The following ACVR1C variants were observed in gnomAD, a reference collection of about 807,000 sequenced individuals.
ACVR1C encodes the protein activin receptor type-1C.
ACVR1C carries 23 observed loss-of-function variants against 57.9 expected under a neutral mutation model. The ratio of observed to expected loss-of-function variants is 0.40; its 90% CI spans 0.29 to 0.56. The LOEUF is 0.56. Ranked by LOEUF, ACVR1C falls within the 20% of genes least tolerant of loss-of-function variation. The pLI is 0.50. For synonymous variants in ACVR1C, 214 were observed against 215.3 expected (o/e 0.99, Z 0.05); for missense variants, 480 against 607.9 (o/e 0.79, Z 2.21).
At chr2:157,626,765 C>T (rs1323894370) in intron 1 of ACVR1C, among the ~76,000 whole-genome samples, 5 of 152,106 alleles carry the variant, frequency 3.3e-5, no homozygotes, top group South Asian at 4.1e-4. Context: ...ACATTGTTAA[C>T]GTGGGACACA....
intron 5 of ACVR1C, among the ~76,000 whole-genome samples, chr2:157,543,170 T>C (rs1158479453): frequency 2.6e-5 from 4 of 152,232 alleles, no homozygotes; most frequent in African/African-American, 9.6e-5. Context: ...TACTGCTATG[T>C]GCTCATAAGA....
chr2:157,596,238 A>G (rs531652617), intron 1 of ACVR1C, among the ~76,000 whole-genome samples: 1 of 152,086 alleles, frequency 6.6e-6, no homozygotes, highest in East Asian at 1.9e-4. Flanking sequence ...ATAGAAATAG[A>G]TATAGAAATC....
At chr2:157,623,847 A>G (rs936869107) in intron 1 of ACVR1C, among the ~76,000 whole-genome samples, 1 of 152,124 alleles carries the variant, frequency 6.6e-6, no homozygotes, top group Non-Finnish European at 1.5e-5. Flanking sequence ...AAAACATCTC[A>G]TGTACCCCAT....
chr2:157,554,255 GAAAGA>G (rs1688015082), intron 3 of ACVR1C, among the ~76,000 whole-genome samples: 1 of 123,690 alleles, frequency 8.1e-6, no homozygotes, highest in African/African-American at 3.6e-5. Context: ...AAGAAAGAAA[GAAAGA>G]AAGAAAGAAA....
At chr2:157,604,332 T>C (rs909838577) in intron 1 of ACVR1C, among the ~76,000 whole-genome samples, 1 of 152,078 alleles carries the variant, frequency 6.6e-6, no homozygotes, top group African/African-American at 2.4e-5. Context: ...TCCTATACTT[T>C]TGCCTTCTTC....
Position 157,628,775 on chromosome 2 carries a change from G to C in ACVR1C, c.-131C>G, listed in dbSNP as rs1386760077. 3.9e-6 allele frequency: 3 copies of C among 768,416 alleles called. No individual in the cohort carries two copies. Among genetic ancestry groups the C allele is most frequent in the Non-Finnish European group, 5.8e-6 (3 of 514,264 alleles). 47.6% of individuals were successfully genotyped at this position (768,416 alleles called of 1,614,324 possible). On this transcript the variant is annotated 5_prime_UTR_variant, in exon 1 of 9. Coordinates refer to ENST00000243349, the MANE Select transcript of ACVR1C (RefSeq NM_145259.3). ...GCACCGACACCCTTTTGAAGTGCGC[G>C]GTTGGCTCTAGTCAGTGTGGGCGCC...
intron 4 of ACVR1C, 152 bp from the exon 5 acceptor site, chr2:157,544,764 A>G: frequency 1.7e-6 from 1 of 576,228 alleles, no homozygotes; most frequent in Non-Finnish European, 2.9e-6. Flanking sequence ...TAAAGAAAAA[A>G]TTCTCAATGA....
chr2:157,586,486 T>G (rs1175171433), intron 2 of ACVR1C, among the ~76,000 whole-genome samples: 4 of 152,122 alleles, frequency 2.6e-5, no homozygotes, highest in Non-Finnish European at 4.4e-5. Flanking sequence ...AGCAGGACTA[T>G]TTTCACATCA....
chr2:157,616,451 T>G (rs1487795660), intron 1 of ACVR1C, among the ~76,000 whole-genome samples: 2 of 152,188 alleles, frequency 1.3e-5, no homozygotes, highest in African/African-American at 4.8e-5. Context: ...CAACTGTTCA[T>G]GCATATTTTC....
chr2:157,598,741 G>T (rs1018084824), intron 1 of ACVR1C, among the ~76,000 whole-genome samples: 1 of 151,966 alleles, frequency 6.6e-6, no homozygotes, highest in African/African-American at 2.4e-5. Context: ...TTTCCACCAT[G>T]TTGGCCAGGC....
intron 1 of ACVR1C, among the ~76,000 whole-genome samples, chr2:157,602,734 C>A (rs1034328339): frequency 6.6e-6 from 1 of 151,998 alleles, no homozygotes. Flanking sequence ...ATTAAACATA[C>A]AGGATATGAG....
chr2:157,587,819 C>T (rs1315920541), intron 1 of ACVR1C, among the ~76,000 whole-genome samples: 1 of 152,084 alleles, frequency 6.6e-6, no homozygotes, highest in Non-Finnish European at 1.5e-5. Context: ...GTTATGGCAG[C>T]TGTGTAACCA....
intron 8 of ACVR1C, among the ~76,000 whole-genome samples, chr2:157,535,288 C>A (rs1340421782): frequency 6.6e-6 from 1 of 151,988 alleles, no homozygotes; most frequent in African/African-American, 2.4e-5. Context: ...CAAGCCCATG[C>A]CTTTAAACAT....
At chr2:157,592,816 T>C (rs1689076934) in intron 1 of ACVR1C, among the ~76,000 whole-genome samples, 1 of 152,138 alleles carries the variant, frequency 6.6e-6, no homozygotes, top group East Asian at 1.9e-4. Context: ...ATTGAGTCAA[T>C]TATACTACAA....
At position 157,531,667 on chromosome 2, in the gene ACVR1C, G is replaced by C. The variant is rs1233080778; in HGVS notation, c.*2251C>G. ...CAGAAAAACAATCTATGAGAAATTAGTAACAAGAACAAGCAAGATTACCCC... is the reference window on the plus strand; with the variant it reads ...CAGAAAAACAATCTATGAGAAATTACTAACAAGAACAAGCAAGATTACCCC... On this transcript the variant is annotated 3_prime_UTR_variant, in exon 9 of 9. Coordinates refer to ENST00000243349, the MANE Select transcript of ACVR1C (RefSeq NM_145259.3). The C allele has an allele frequency of 6.6e-6, 1 of 152,008 alleles. No individual in the cohort carries two copies. The highest frequency in any genetic ancestry group is 1.5e-5 in the Non-Finnish European group (1 of 67,948). 9.4% of individuals were successfully genotyped at this position (152,008 alleles called of 1,614,324 possible).
intron 3 of ACVR1C, among the ~76,000 whole-genome samples, chr2:157,553,400 T>C (rs1248026081): frequency 1.3e-5 from 2 of 151,954 alleles, no homozygotes; most frequent in Non-Finnish European, 2.9e-5. Flanking sequence ...TTACTACTTT[T>C]TTTTTTTTTA....
At chr2:157,600,623 T>A (rs1057002967) in intron 1 of ACVR1C, among the ~76,000 whole-genome samples, 1 of 152,228 alleles carries the variant, frequency 6.6e-6, no homozygotes, top group Non-Finnish European at 1.5e-5. Context: ...GTTACATATT[T>A]ACATATGATC....
At chr2:157,627,549 T>C (rs970199484) in intron 1 of ACVR1C, among the ~76,000 whole-genome samples, 2 of 152,218 alleles carry the variant, frequency 1.3e-5, no homozygotes, top group Non-Finnish European at 2.9e-5. Context: ...ATCATTCTCT[T>C]GCACATGTCA....
At chr2:157,583,573 T>G (rs112554504) in intron 2 of ACVR1C, among the ~76,000 whole-genome samples, 185 of 152,312 alleles carry the variant, frequency 1.2e-3, no homozygotes, top group Non-Finnish European at 2.1e-3. Flanking sequence ...GCAAATCAAT[T>G]TGGAAAAACA....
Sources: gnomAD v4.1 joint callset for allele counts (sites outside exome capture counted in the v4.1 genomes callset) on GRCh38, gnomAD v4.1.1 for gene constraint, MANE v1.5 for transcripts, NCBI Gene and HGNC (gene_info 2026-07-23, HGNC 2026-07-21) for gene names.